The following NEXN variants were observed in gnomAD, a reference collection of about 807,000 sequenced individuals.
The protein encoded by NEXN is nexilin F-actin binding protein.
NEXN carries 65 observed loss-of-function variants against 92.6 expected under a neutral mutation model. That is an observed-to-expected ratio of 0.70 (90% confidence interval 0.57 to 0.86). The LOEUF (loss-of-function observed/expected upper bound fraction) is 0.86, where lower values mean the gene tolerates loss of function less well. NEXN is among the 40% of genes least tolerant of loss of function. NEXN has a pLI of 0.00. For synonymous variants in NEXN, 254 were observed against 242.5 expected, an observed-to-expected ratio of 1.05 and a Z score of -0.44; for missense variants, 778 against 771.1, an observed-to-expected ratio of 1.01 and a Z score of -0.11.
In NEXN at chr1:77,942,734, T is replaced by C. The variant is rs1278330309; in HGVS notation, c.1933T>C (p.Phe645Leu). Residue 645 changes from phenylalanine to leucine, a missense_variant, in exon 13 of 13, where the codon TTC (phenylalanine) becomes CTC (leucine). By Grantham distance (22) the Phe-to-Leu change is conservative. Transcript: ENST00000334785. ...TTACTGCCTTTACTTACCAGAAACT[T>C]TCCCAGAAGATGGAGGAGAGTATAT... ...ETYCLYLPET[F>L]PEDGGEYMCK... 1 of 1,613,758 alleles carries C rather than the reference T, an allele frequency of 6.2e-7. No homozygotes were observed. The highest frequency in any genetic ancestry group is 8.5e-7 in the Non-Finnish European group (1 of 1,179,754).
At chr1:77,894,940 T>C (rs2102030828) in intron 1 of NEXN, among the ~76,000 whole-genome samples, 1 of 149,876 alleles carries the variant, frequency 6.7e-6, no homozygotes, top group African/African-American at 2.5e-5. Context: ...GGTCTCGAAC[T>C]CCTTAGCTCG....
chr1:77,941,596 T>C (rs1216901986), intron 11 of NEXN: 3 of 193,414 alleles, frequency 1.6e-5, no homozygotes, highest in Non-Finnish European at 3.2e-5. Context: ...GACATAGTTC[T>C]AAGAAGGGTA....
chr1:77,934,711 T>C (rs1464647895), intron 10 of NEXN, among the ~76,000 whole-genome samples: 1 of 152,146 alleles, frequency 6.6e-6, no homozygotes, highest in African/African-American at 2.4e-5. Flanking sequence ...GGGGCGTGTA[T>C]TCGCCATCAG....
At chr1:77,891,972 A>G (rs1647119275) in intron 1 of NEXN, among the ~76,000 whole-genome samples, 1 of 151,670 alleles carries the variant, frequency 6.6e-6, no homozygotes, top group South Asian at 2.1e-4. Context: ...AGTCCCAACT[A>G]CCTGGGAGGC....
At chr1:77,940,819 TGTTC>T (rs2102172982) in intron 11 of NEXN, among the ~76,000 whole-genome samples, 1 of 152,084 alleles carries the variant, frequency 6.6e-6, no homozygotes, top group East Asian at 1.9e-4. Flanking sequence ...TAAAAAATGC[TGTTC>T]ATTCATTCAT....
At chr1:77,942,313 C>T (rs1402880571) in intron 12 of NEXN, 105 bp downstream of exon 12, 2 of 1,394,520 alleles carry the variant, frequency 1.4e-6, no homozygotes, top group Non-Finnish European at 2.0e-6. Flanking sequence ...TCTTTCAAGT[C>T]ACTGGAATGT....
At chr1:77,938,919 T>C (rs1438427245) in intron 11 of NEXN, among the ~76,000 whole-genome samples, 1 of 152,104 alleles carries the variant, frequency 6.6e-6, no homozygotes, top group African/African-American at 2.4e-5. Flanking sequence ...TAAAAATAGG[T>C]TGTGGCTAGT....
At chr1:77,910,861 AG>A (rs1188333237) in intron 1 of NEXN, among the ~76,000 whole-genome samples, 2 of 151,990 alleles carry the variant, frequency 1.3e-5, no homozygotes, top group Non-Finnish European at 2.9e-5. Context: ...TTTTAGAAAT[AG>A]GGACTCACTC....
chr1:77,894,246 T>G (rs1054553839), intron 1 of NEXN, among the ~76,000 whole-genome samples: 8 of 152,044 alleles, frequency 5.3e-5, no homozygotes, highest in Non-Finnish European at 1.2e-4. Flanking sequence ...TGTGAGCCAC[T>G]GCACCTGGCA....
chr1:77,935,720 A>T, intron 10 of NEXN, 103 bp from the exon 11 acceptor site: 1 of 969,448 alleles, frequency 1.0e-6, no homozygotes, highest in South Asian at 1.4e-5. Flanking sequence ...TGGGAAGCTG[A>T]GGCAGGAGGA....
At chr1:77,915,576 C>T (rs1002268907) in intron 1 of NEXN, among the ~76,000 whole-genome samples, 1 of 151,994 alleles carries the variant, frequency 6.6e-6, no homozygotes, top group African/African-American at 2.4e-5. Flanking sequence ...TTGCAGTGAG[C>T]GAGATGGCGC....
chr1:77,932,673 C>T (rs1461145822), intron 9 of NEXN, among the ~76,000 whole-genome samples: 1 of 150,652 alleles, frequency 6.6e-6, no homozygotes, highest in Non-Finnish European at 1.5e-5. Context: ...ATTTAAAGTA[C>T]TCATGGTATG....
intron 5 of NEXN, among the ~76,000 whole-genome samples, chr1:77,923,617 T>C (rs1003200749): frequency 1.3e-5 from 2 of 151,986 alleles, no homozygotes; most frequent in African/African-American, 4.8e-5. Context: ...GAAGAGTACA[T>C]TAGTCTTCCT....
intron 11 of NEXN, 49 bp downstream of exon 11, chr1:77,936,093 A>G: frequency 7.4e-7 from 1 of 1,351,288 alleles, no homozygotes; most frequent in Non-Finnish European, 1.0e-6. Flanking sequence ...AATGATAATA[A>G]ATTTAACAGA....
intron 9 of NEXN, among the ~76,000 whole-genome samples, chr1:77,930,097 C>T (rs191100117): frequency 7.9e-5 from 12 of 152,326 alleles, no homozygotes; most frequent in Non-Finnish European, 1.0e-4. Flanking sequence ...ATCTGACAAA[C>T]AATTTTGAAG....
In NEXN at chr1:77,899,450, T is replaced by A. The variant is rs201418701; in HGVS notation, c.-53+10691T>A. Among the ~76,000 whole-genome samples the A allele has an allele frequency of 1.2e-4, 18 of 152,022 alleles. No homozygotes were observed. The East Asian group carries it at 3.5e-3, about 29-fold the overall frequency. On this transcript the variant is annotated intron_variant, in intron 1 of 12. Transcript: ENST00000334785. Reference sequence around the variant, plus strand: ...GCATGTTCTCACTCATAGGTGGGAATTGAACAATGAGAACACATGGACACA... The same window carrying A: ...GCATGTTCTCACTCATAGGTGGGAAATGAACAATGAGAACACATGGACACA...
intron 1 of NEXN, among the ~76,000 whole-genome samples, chr1:77,911,969 C>T (rs2102074822): frequency 6.6e-6 from 1 of 151,488 alleles, no homozygotes; most frequent in Middle Eastern, 3.4e-3. Flanking sequence ...GTCCCAGCTA[C>T]TCAGGAGGCT....
Position 77,918,206 on chromosome 1 carries a change from G to A in NEXN, c.380G>A (p.Arg127His), listed in dbSNP as rs776891268. 6.8e-6 allele frequency: 11 copies of A among 1,613,914 alleles called. No homozygotes were observed. The highest frequency in any genetic ancestry group is 4.5e-5 in the East Asian group (2 of 44,882). ...AAGAGAACGGAGGAGGAACGAAAAC[G>A]CAGAATTGAGCAGGATATGTTAGAA... ...QRKRTEEERKRRIEQDMLEKR... is the reference protein window; with the variant it reads ...QRKRTEEERKHRIEQDMLEKR... The change falls in exon 5 of 13, where the codon CGC becomes CAC. Residue 127 changes from arginine (R) to histidine (H), a missense_variant. Physicochemically the swap from Arg to His is conservative, Grantham distance 29 (BLOSUM62 0). Transcript: ENST00000334785.
chr1:77,902,462 A>G (rs1159428230), intron 1 of NEXN, among the ~76,000 whole-genome samples: 5 of 77,590 alleles, frequency 6.4e-5, no homozygotes, highest in African/African-American at 1.5e-4. Context: ...GATTCTGTTC[A>G]TATTCTGAGA....
Sources: allele counts gnomAD v4.1 joint callset (sites outside exome capture counted in the v4.1 genomes callset), GRCh38; gene constraint gnomAD v4.1.1; transcripts MANE v1.5; gene names NCBI Gene and HGNC (gene_info 2026-07-23, HGNC 2026-07-21).